The following MCC variants were observed in gnomAD, a reference collection of about 807,000 sequenced individuals.
MCC encodes MCC regulator of Wnt signaling pathway, also known as colorectal mutant cancer protein.
A neutral mutation model predicts 116.2 loss-of-function variants in MCC; 90 were observed. That is an observed-to-expected ratio of 0.77 (90% CI 0.65 to 0.92). MCC has a LOEUF of 0.92. Among genes scored for constraint, MCC ranks in the 40% least tolerant of loss-of-function variants. The pLI is 0.00. For missense variants in MCC, 1,516 were observed against 1,312.2 expected (o/e 1.16, Z -2.40); for synonymous variants, 578 against 510.5 (o/e 1.13, Z -1.78).
chr5:113,283,138 T>C (rs893842153), intron 3 of MCC, among the ~76,000 whole-genome samples: 1 of 152,268 alleles, frequency 6.6e-6, no homozygotes, highest in Non-Finnish European at 1.5e-5. Context: ...GCAGAGCCCA[T>C]TTATTTTCTG....
chr5:113,076,493 G>A (rs181087515), intron 11 of MCC, among the ~76,000 whole-genome samples: 73 of 152,272 alleles, frequency 4.8e-4, no homozygotes, highest in Non-Finnish European at 8.5e-4. Context: ...AGAAGAGAGT[G>A]GGGGCCAATA....
intron 1 of MCC, among the ~76,000 whole-genome samples, chr5:113,386,999 C>G (rs1769277282): frequency 6.6e-6 from 1 of 152,086 alleles, no homozygotes; most frequent in Non-Finnish European, 1.5e-5. Context: ...CCTTTCCCAT[C>G]CCTTAACTTC....
At chr5:113,049,376 TG>T (rs1752339846) in intron 15 of MCC, 77 bp from the exon 16 acceptor site, 20 of 1,286,412 alleles carry the variant, frequency 1.6e-5, no homozygotes, top group East Asian at 5.1e-5. Context: ...AGTGGGTGGG[TG>T]GGGGGTCCCC....
intron 3 of MCC, among the ~76,000 whole-genome samples, chr5:113,198,504 G>T (rs1470670823): frequency 6.6e-6 from 1 of 150,446 alleles, no homozygotes; most frequent in Non-Finnish European, 1.5e-5. Context: ...AGACAAGCCT[G>T]GGTAACATAG....
intron 3 of MCC, among the ~76,000 whole-genome samples, chr5:113,336,782 A>T (rs1183566334): frequency 6.6e-6 from 1 of 152,226 alleles, no homozygotes; most frequent in Non-Finnish European, 1.5e-5. Context: ...GTATCTGTGT[A>T]CAACACTGTC....
intron 1 of MCC, among the ~76,000 whole-genome samples, chr5:113,439,490 G>A (rs975341421): frequency 1.3e-5 from 2 of 152,220 alleles, no homozygotes; most frequent in Non-Finnish European, 2.9e-5. Flanking sequence ...CCTTGGAAAA[G>A]ATAGAGATGA....
At chr5:113,467,523 G>A (rs1392516489) in intron 1 of MCC, among the ~76,000 whole-genome samples, 1 of 152,120 alleles carries the variant, frequency 6.6e-6, no homozygotes, top group Non-Finnish European at 1.5e-5. Context: ...TGAGGGCTCT[G>A]TTCTGTTCCA....
chr5:113,466,581 CATT>C (rs1771915808), intron 1 of MCC, among the ~76,000 whole-genome samples: 1 of 151,998 alleles, frequency 6.6e-6, no homozygotes, highest in Non-Finnish European at 1.5e-5. Context: ...TCCAGTCTAT[CATT>C]GTTGGACATT....
intron 5 of MCC, among the ~76,000 whole-genome samples, chr5:113,132,048 T>C (rs75818246): frequency 6.6e-6 from 1 of 152,148 alleles, no homozygotes; most frequent in South Asian, 2.1e-4. Flanking sequence ...AAATGAGAGA[T>C]CCAAAGTACC....
At chr5:113,292,517 T>C (rs1480570273) in intron 3 of MCC, among the ~76,000 whole-genome samples, 1 of 152,174 alleles carries the variant, frequency 6.6e-6, no homozygotes, top group East Asian at 1.9e-4. Flanking sequence ...CAAAGCACTC[T>C]CAACTCTTTC....
chr5:113,133,544 T>C (rs1013898594), intron 5 of MCC, among the ~76,000 whole-genome samples: 9 of 152,138 alleles, frequency 5.9e-5, no homozygotes, highest in African/African-American at 2.2e-4. Flanking sequence ...GGCACTGATA[T>C]TGATTTCAAA....
rs1271244838 is a variant in MCC, at chr5:113,228,004, A to G, written c.628-76582T>C. On this transcript the variant is annotated intron_variant, in intron 3 of 18. Coordinates refer to ENST00000408903, the MANE Select transcript of MCC (RefSeq NM_001085377.2). The stretch of plus-strand genomic sequence containing the variant: ...GTATTACATAGCAACAGATGATGCT[A>G]CTGTCAACGAAATCACAAGGTATAT... Among the ~76,000 whole-genome samples the G allele has an allele frequency of 2.0e-5, 3 of 152,230 alleles. No homozygotes were observed. In the South Asian group the frequency reaches 6.2e-4, roughly 32 times the overall value.
intron 3 of MCC, among the ~76,000 whole-genome samples, chr5:113,289,252 T>A (rs7715342): frequency 0.6 from 88,834 of 149,256 alleles, 29,237 homozygotes; most frequent in African/African-American, 0.9. Context: ...AATTGCTTGA[T>A]CCCGGGAGGC....
intron 1 of MCC, among the ~76,000 whole-genome samples, chr5:113,439,702 TTGAGCCTCAGTA>T (rs1226770687): frequency 6.6e-6 from 1 of 152,068 alleles, no homozygotes; most frequent in Non-Finnish European, 1.5e-5. Context: ...TTCAATCTCT[TTGAGCCTCAGTA>T]TGTACATTTC....
At chr5:113,150,076 G>A (rs931353018) in intron 4 of MCC, among the ~76,000 whole-genome samples, 4 of 152,178 alleles carry the variant, frequency 2.6e-5, no homozygotes, top group Non-Finnish European at 5.9e-5. Context: ...CCTCAGGACT[G>A]CCTTCCAGGA....
At chr5:113,334,783 G>C (rs1409273815) in intron 3 of MCC, among the ~76,000 whole-genome samples, 1 of 150,500 alleles carries the variant, frequency 6.6e-6, no homozygotes, top group African/African-American at 2.5e-5. Flanking sequence ...TAGAGATGTG[G>C]TTTTACCATG....
At chr5:113,150,936 T>C (rs1759823822) in intron 4 of MCC, among the ~76,000 whole-genome samples, 1 of 152,058 alleles carries the variant, frequency 6.6e-6, no homozygotes, top group African/African-American at 2.4e-5. Context: ...CCCAGCTACT[T>C]GGGAGGCTGC....
At chr5:113,157,301 C>T (rs930282905) in intron 3 of MCC, among the ~76,000 whole-genome samples, 3 of 152,166 alleles carry the variant, frequency 2.0e-5, no homozygotes, top group Admixed American at 2.0e-4. Flanking sequence ...CTATGCTTCC[C>T]GATTTGCTGA....
chr5:113,338,508 C>G (rs1159127207), intron 3 of MCC, among the ~76,000 whole-genome samples: 1 of 152,216 alleles, frequency 6.6e-6, no homozygotes, highest in Non-Finnish European at 1.5e-5. Context: ...AAACAGCCAA[C>G]TCCCACAGTT....
Sources: gnomAD v4.1 joint callset for allele counts (sites outside exome capture counted in the v4.1 genomes callset) on GRCh38, gnomAD v4.1.1 for gene constraint, MANE v1.5 for transcripts, NCBI Gene and HGNC (gene_info 2026-07-23, HGNC 2026-07-21) for gene names.